The following EYS variants were observed in gnomAD, a reference collection of about 807,000 sequenced individuals.
EYS encodes EGF-like photoreceptor maintenance factor.
EYS carries 250 observed loss-of-function variants against 282.1 expected under a neutral mutation model. That is an observed-to-expected ratio of 0.89 (90% confidence interval 0.80 to 0.98). The LOEUF is 0.98. Ranked by LOEUF, EYS falls within the 50% of genes least tolerant of loss-of-function variation. The probability of loss-of-function intolerance (pLI) is 0.00; values close to 1 mark genes in which losing one functional copy is unlikely to be tolerated. For synonymous variants in EYS, 1,355 were observed against 1,282.9 expected, an observed-to-expected ratio of 1.06 and a Z score of -1.20; for missense variants, 4,016 against 3,709.0, an observed-to-expected ratio of 1.08 and a Z score of -2.15.
chr6:64,771,665 C>G (rs1470835912), intron 22 of EYS, among the ~76,000 whole-genome samples: 1 of 151,666 alleles, frequency 6.6e-6, no homozygotes, highest in Non-Finnish European at 1.5e-5. Flanking sequence ...AAGCTGCTTT[C>G]ATTTTAGTTT....
At chr6:64,538,980 T>C (rs937070432) in intron 26 of EYS, among the ~76,000 whole-genome samples, 3 of 152,210 alleles carry the variant, frequency 2.0e-5, no homozygotes, top group African/African-American at 7.2e-5. Context: ...TTAGTGCTCT[T>C]ATGTTCAAAT....
intron 11 of EYS, among the ~76,000 whole-genome samples, chr6:65,322,124 A>G (rs1769491944): frequency 6.6e-6 from 1 of 152,214 alleles, no homozygotes; most frequent in Non-Finnish European, 1.5e-5. Context: ...ATGCTTACCT[A>G]GCAGATAATT....
chr6:63,982,765 G>T (rs1011171999), intron 35 of EYS, among the ~76,000 whole-genome samples: 1 of 151,744 alleles, frequency 6.6e-6, no homozygotes, highest in East Asian at 1.9e-4. Context: ...ACAGGAGGGG[G>T]ATTGCAGGGC....
At chr6:63,841,716 C>T (rs1188109007) in intron 36 of EYS, among the ~76,000 whole-genome samples, 3 of 152,124 alleles carry the variant, frequency 2.0e-5, no homozygotes, top group Non-Finnish European at 4.4e-5. Flanking sequence ...CCCATCAACC[C>T]ATCATCTATA....
chr6:65,178,487 GA>G (rs1765286649), intron 12 of EYS, among the ~76,000 whole-genome samples: 1 of 151,976 alleles, frequency 6.6e-6, no homozygotes, highest in Non-Finnish European at 1.5e-5. Flanking sequence ...ATGGTAAAGG[GA>G]TCAATTCAAC....
At chr6:65,293,731 G>T (rs924808687) in intron 12 of EYS, among the ~76,000 whole-genome samples, 6 of 151,844 alleles carry the variant, frequency 4.0e-5, no homozygotes, top group African/African-American at 1.5e-4. Context: ...CTAACGTGGG[G>T]CCAATAACTG....
intron 12 of EYS, among the ~76,000 whole-genome samples, chr6:65,064,508 T>C (rs1190020570): frequency 6.8e-6 from 1 of 147,040 alleles, no homozygotes; most frequent in African/African-American, 2.5e-5. Context: ...TAATATAGTA[T>C]AATATATGTA....
intron 29 of EYS, among the ~76,000 whole-genome samples, chr6:64,371,611 T>A (rs942525114): frequency 3.3e-5 from 5 of 152,126 alleles, no homozygotes; most frequent in African/African-American, 1.2e-4. Flanking sequence ...GTCAATGGGG[T>A]GTTCAAGTCT....
intron 29 of EYS, among the ~76,000 whole-genome samples, chr6:64,324,171 C>G (rs562108793): frequency 6.6e-6 from 1 of 152,182 alleles, no homozygotes; most frequent in East Asian, 1.9e-4. Flanking sequence ...CTGGCAAAGA[C>G]ACGACAAAGA....
chr6:64,453,166 A>G (rs1416681375), intron 26 of EYS, among the ~76,000 whole-genome samples: 1 of 149,438 alleles, frequency 6.7e-6, no homozygotes, highest in Non-Finnish European at 1.5e-5. Flanking sequence ...ACAAGAAAAA[A>G]ACAAACAACC....
intron 33 of EYS, among the ~76,000 whole-genome samples, chr6:64,019,234 T>C (rs972834598): frequency 3.3e-5 from 5 of 152,062 alleles, no homozygotes; most frequent in Non-Finnish European, 5.9e-5. Context: ...GAGGCAGTAA[T>C]GGATTTTCCC....
At chr6:65,368,104 CA>C (rs913519649) in intron 8 of EYS, among the ~76,000 whole-genome samples, 1 of 151,196 alleles carries the variant, frequency 6.6e-6, no homozygotes, top group African/African-American at 2.4e-5. Flanking sequence ...AGCAAAAGGG[CA>C]AAAAAGCTCC....
chr6:65,254,612 A>T (rs1056093590), intron 12 of EYS, among the ~76,000 whole-genome samples: 4 of 151,872 alleles, frequency 2.6e-5, no homozygotes, highest in Non-Finnish European at 4.4e-5. Context: ...TTTTAAAACA[A>T]GACCATAGTA....
At chr6:64,146,558 G>C (rs748557356) in intron 31 of EYS, among the ~76,000 whole-genome samples, 7 of 152,120 alleles carry the variant, frequency 4.6e-5, no homozygotes, top group Admixed American at 6.6e-5. Flanking sequence ...GCACATATGG[G>C]TATGCCATTG....
intron 19 of EYS, among the ~76,000 whole-genome samples, chr6:64,856,522 C>T (rs1766065862): frequency 1.3e-5 from 2 of 152,140 alleles, no homozygotes; most frequent in Non-Finnish European, 2.9e-5. Context: ...TGGTCTTGAA[C>T]TCCTGGACTC....
At chr6:65,581,289 T>C (rs148522564) in intron 2 of EYS, among the ~76,000 whole-genome samples, 2 of 152,212 alleles carry the variant, frequency 1.3e-5, no homozygotes, top group Admixed American at 6.5e-5. Flanking sequence ...ATATATGATT[T>C]ATAAAGTGAT....
chr6:65,580,326 A>G (rs973138001), intron 2 of EYS, among the ~76,000 whole-genome samples: 11 of 152,128 alleles, frequency 7.2e-5, no homozygotes, highest in African/African-American at 2.4e-4. Context: ...TATTAAGGAT[A>G]CGATCAATAA....
chr6:63,972,332 T>C, intron 35 of EYS, among the ~76,000 whole-genome samples: 1 of 152,102 alleles, frequency 6.6e-6, no homozygotes, highest in East Asian at 1.9e-4. Flanking sequence ...AAAATTCCAG[T>C]CTAGTTTAAT....
chr6:64,829,067 G>A (rs913961552), intron 19 of EYS, among the ~76,000 whole-genome samples: 5 of 144,652 alleles, frequency 3.5e-5, no homozygotes, highest in African/African-American at 1.3e-4. Context: ...ATAGGTAGTG[G>A]CAAATGACAT....
Sources: gnomAD v4.1 joint callset for allele counts (sites outside exome capture counted in the v4.1 genomes callset) on GRCh38, gnomAD v4.1.1 for gene constraint, MANE v1.5 for transcripts, NCBI Gene and HGNC (gene_info 2026-07-23, HGNC 2026-07-21) for gene names.